Variants in MVP observed in about 807,000 individuals in gnomAD.
The protein encoded by MVP is major vault protein.
A neutral mutation model predicts 83.5 loss-of-function variants in MVP; 62 were observed. That is an observed-to-expected ratio of 0.74 (90% CI 0.61 to 0.92). MVP has a LOEUF of 0.92. MVP is among the 40% of genes least tolerant of loss of function. MVP has a pLI of 0.00. For missense variants in MVP, 1,000 were observed against 1,203.4 expected (o/e 0.83, Z 2.50); for synonymous variants, 505 against 504.1 (o/e 1.00, Z -0.02).
chr16:29,834,529 C>G (rs1001352779), intron 5 of MVP: 8 of 199,670 alleles, frequency 4.0e-5, no homozygotes, highest in Admixed American at 1.1e-4. Context: ...ATTAGCCTGG[C>G]CTTGGACACA....
chr16:29,846,364 T>G, intron 13 of MVP, 80 bp downstream of exon 13: 1 of 1,450,956 alleles, frequency 6.9e-7, no homozygotes, highest in African/African-American at 1.4e-5. Flanking sequence ...TGAGACTGTA[T>G]AGGACACCAG....
intron 1 of MVP, 24 bp from the exon 2 acceptor site, chr16:29,830,491 T>G: frequency 1.3e-6 from 2 of 1,592,238 alleles, no homozygotes; most frequent in Non-Finnish European, 1.7e-6. Context: ...AGGTTCATCC[T>G]GTGTCGTCTC....
chr16:29,841,630 C>A lies in MVP; in HGVS notation c.1226C>A (p.Thr409Asn). The A allele has an allele frequency of 6.2e-7, 1 of 1,611,332 alleles. No individual in the cohort carries two copies. The highest frequency in any genetic ancestry group is 2.2e-5 in the East Asian group (1 of 44,836). ...RAVIGSTYML[T>N]QDEVLWEKEL... ...GTGATTGGAAGCACCTACATGCTGA[C>A]CCAGGACGAAGTCCTGTGGGAGAAA... Residue 409 changes from threonine to asparagine, a missense_variant, in exon 9 of 15, where the codon ACC becomes AAC. Thr to Asn is a moderately conservative substitution (Grantham distance 65). Transcript: ENST00000357402. The surrounding 1 kb of genome is among the most constrained non-coding windows in gnomAD (Gnocchi z 4.7).
At chr16:29,827,844 G>A (rs1434618097) in intron 1 of MVP, among the ~76,000 whole-genome samples, 1 of 152,180 alleles carries the variant, frequency 6.6e-6, no homozygotes, top group Non-Finnish European at 1.5e-5. Context: ...TGAGCCTGGA[G>A]GTTGAGGCTG....
At chr16:29,821,992 C>G (rs3178910) in intron 1 of MVP, among the ~76,000 whole-genome samples, 12 of 151,836 alleles carry the variant, frequency 7.9e-5, no homozygotes, top group Non-Finnish European at 1.5e-4. Flanking sequence ...TTGGGAGGCC[C>G]GAATGGGAGG....
chr16:29,836,896 G>A lies in MVP; in HGVS notation c.847G>A (p.Val283Met), dbSNP rs765054198. 29 of 1,613,974 alleles carry A rather than the reference G, an allele frequency of 1.8e-5. No individual in the cohort carries two copies. The highest frequency in any genetic ancestry group is 5.0e-5 in the Admixed American group (3 of 60,002). The change falls in exon 7 of 15, where the codon GTG (valine) becomes ATG (methionine). Residue 283 changes from valine to methionine, a missense_variant. By Grantham distance (21) the Val-to-Met change is conservative. Transcript: ENST00000357402. ...CACCCTGGGCCCCCACAACTACTGC[G>A]TGATTCTCGACCCTGTCGGACCGGA... Reference protein sequence around the residue: ...ITTLGPHNYCVILDPVGPDGK... With the variant: ...ITTLGPHNYCMILDPVGPDGK...
chr16:29,830,534 G>C lies in MVP; in HGVS notation c.-16G>C. On this transcript the variant is annotated 5_prime_UTR_variant, in exon 2 of 15. Coordinates refer to ENST00000357402, the MANE Select transcript of MVP (RefSeq NM_005115.5). ...TACCAGTCATCTTCTTGTGAGCCCT[G>C]GGCTTAGGAGTCACCATGGCAACTG... The C allele has an allele frequency of 6.2e-7, 1 of 1,613,262 alleles. No homozygotes were observed. Among genetic ancestry groups the C allele is most frequent in the Non-Finnish European group, 8.5e-7 (1 of 1,179,550 alleles).
At chr16:29,830,326 G>A in intron 1 of MVP, 189 bp from the exon 2 acceptor site, 1 of 489,374 alleles carries the variant, frequency 2.0e-6, no homozygotes, top group East Asian at 3.8e-5. Context: ...GTAAGGTCAG[G>A]ATGGGCTGTG....
rs2067540815 is a variant in MVP, at chr16:29,842,083, C to T, written c.1605C>T (p.Ala535=). ...TCACCATCGAAACGGCGGATCATGCCAGGCTGCAACTGCAGCTGGCCTACA... is the reference window on the plus strand; with the variant it reads ...TCACCATCGAAACGGCGGATCATGCTAGGCTGCAACTGCAGCTGGCCTACA... ...DVITIETADH[A]RLQLQLAYNW... The change falls in exon 10 of 15, where the codon GCC becomes GCT. Residue 535 remains alanine (A), a synonymous_variant. Transcript: ENST00000357402. 6.2e-7 allele frequency: 1 copy of T among 1,605,622 alleles called. No homozygotes were observed. Among genetic ancestry groups the T allele is most frequent in the African/African-American group, 1.3e-5 (1 of 75,006 alleles).
At chr16:29,834,834 C>T (rs1006918709) in intron 5 of MVP, 2 of 151,610 alleles carry the variant, frequency 1.3e-5, no homozygotes, top group Admixed American at 6.6e-5. Context: ...TACAGGCGCC[C>T]ACCACCATGC....
intron 1 of MVP, among the ~76,000 whole-genome samples, chr16:29,824,782 G>C (rs1027829277): frequency 2.0e-5 from 3 of 152,102 alleles, no homozygotes; most frequent in Non-Finnish European, 4.4e-5. Context: ...CAGTATATCA[G>C]CTACTCACAG....
intron 5 of MVP, chr16:29,835,480 CAAA>C (rs59649743): frequency 6.3e-3 from 458 of 72,774 alleles, no homozygotes; most frequent in Middle Eastern, 0.022. Flanking sequence ...GACTCCGTCT[CAAA>C]AAAAAAAAAA....
At chr16:29,842,186 A>T in intron 10 of MVP, 74 bp downstream of exon 10, 2 of 1,473,944 alleles carry the variant, frequency 1.4e-6, no homozygotes, top group South Asian at 1.2e-5. Context: ...TGGGAGGATC[A>T]CTTGAGCCTA....
chr16:29,823,122 CT>C (rs66512916), intron 1 of MVP, among the ~76,000 whole-genome samples: 16,678 of 98,162 alleles, frequency 0.17, 692 homozygotes, highest in African/African-American at 0.33. Flanking sequence ...CTTTTCTTTT[CT>C]TTTTTTTTTT....
Position 29,844,823 on chromosome 16 carries a change from A to G in MVP, c.1965A>G (p.Gln655=). The stretch of plus-strand genomic sequence containing the variant: ...ATCAGAGGACCCGGGACGCCCTGCA[A>G]CGCAGCGTCCAGCTGGCCATCGAGA... ...PVDQRTRDAL[Q]RSVQLAIEIT... Residue 655 remains glutamine (Q), a synonymous_variant, in exon 11 of 15, where the codon CAA becomes CAG. Coordinates refer to ENST00000357402, the MANE Select transcript of MVP (RefSeq NM_005115.5). The G allele has an allele frequency of 1.2e-6, 2 of 1,607,646 alleles. No homozygotes were observed. Among genetic ancestry groups the G allele is most frequent in the African/African-American group, 2.7e-5 (2 of 74,988 alleles).
intron 7 of MVP, 90 bp downstream of exon 7, chr16:29,837,048 C>G: frequency 8.2e-7 from 1 of 1,215,666 alleles, no homozygotes; most frequent in Non-Finnish European, 1.1e-6. Flanking sequence ...CCTCCAGACG[C>G]ACGTTCTAGG....
chr16:29,830,699 G>A (rs2037480347), intron 2 of MVP, 25 bp downstream of exon 2: 8 of 1,611,162 alleles, frequency 5.0e-6, no homozygotes, highest in Non-Finnish European at 6.8e-6. Context: ...TGGGCTGTGG[G>A]GGATCCTTGG....
chr16:29,840,554 G>A (rs2067526657), intron 8 of MVP, 95 bp downstream of exon 8: 2 of 1,404,416 alleles, frequency 1.4e-6, no homozygotes, highest in Non-Finnish European at 1.9e-6. Flanking sequence ...AGGGACTTCA[G>A]CAGCATGGAG....
chr16:29,842,492 A>G (rs758558194), intron 10 of MVP, among the ~76,000 whole-genome samples: 19 of 151,870 alleles, frequency 1.3e-4, no homozygotes, highest in Non-Finnish European at 2.2e-4. Context: ...TTTAGTAGAG[A>G]TGGGGTTTCT....
Sources: gnomAD v4.1 joint callset for allele counts (sites outside exome capture counted in the v4.1 genomes callset) on GRCh38, gnomAD v4.1.1 for gene constraint, Gnocchi (gnomAD v3.1) non-coding constraint, MANE v1.5 for transcripts, NCBI Gene and HGNC (gene_info 2026-07-23, HGNC 2026-07-21) for gene names.